FRMD5: variants seen among roughly 807,000 people sequenced by gnomAD.
The protein encoded by FRMD5 is FERM domain-containing protein 5.
Under a neutral mutation model 69.0 loss-of-function variants are expected in FRMD5, and 20 were observed. That is an observed-to-expected ratio of 0.29 (90% confidence interval 0.20 to 0.42). The LOEUF (loss-of-function observed/expected upper bound fraction) is 0.42, where lower values mean the gene tolerates loss of function less well. Ranked by LOEUF, FRMD5 falls within the 10% of genes least tolerant of loss-of-function variation. The pLI is 1.00. For missense variants in FRMD5, 595 were observed against 708.6 expected (o/e 0.84, Z 1.82); for synonymous variants, 271 against 260.1 (o/e 1.04, Z -0.40).
At chr15:44,144,357 T>C (rs1050965264) in intron 1 of FRMD5, among the ~76,000 whole-genome samples, 2 of 152,216 alleles carry the variant, frequency 1.3e-5, no homozygotes, top group Non-Finnish European at 2.9e-5. Context: ...GGTCTGAATG[T>C]TCCCTCTTAT....
intron 5 of FRMD5, 55 bp from the exon 6 acceptor site, chr15:43,906,006 A>G: frequency 1.2e-6 from 2 of 1,609,272 alleles, no homozygotes; most frequent in Non-Finnish European, 1.7e-6. Flanking sequence ...ATCATCATTG[A>G]CAAAGCAACA....
intron 1 of FRMD5, among the ~76,000 whole-genome samples, chr15:44,095,058 C>G (rs2076531434): frequency 6.6e-6 from 1 of 151,880 alleles, no homozygotes; most frequent in Non-Finnish European, 1.5e-5. Context: ...GAGTATTTCT[C>G]AAAATTACCC....
rs537496037 is a variant in FRMD5 at position 43,935,728 on chromosome 15, C to T, written c.103-11419G>A. ...TGGAGGGGAGGCAGGAACCTTGAGCCCAGCGGCTCCCTGAGGCCTCTGGCG... is the reference window on the plus strand; with the variant it reads ...TGGAGGGGAGGCAGGAACCTTGAGCTCAGCGGCTCCCTGAGGCCTCTGGCG... On this transcript the variant is annotated intron_variant, in intron 1 of 13. Coordinates refer to ENST00000417257, the MANE Select transcript of FRMD5 (RefSeq NM_032892.5). Among the ~76,000 whole-genome samples the T allele has an allele frequency of 8.5e-5, 13 of 152,212 alleles. No homozygotes were observed. In the South Asian group the frequency reaches 2.7e-3, roughly 32 times the overall value.
chr15:43,962,901 T>C (rs952254755), intron 1 of FRMD5, among the ~76,000 whole-genome samples: 11 of 152,172 alleles, frequency 7.2e-5, no homozygotes, highest in Non-Finnish European at 1.5e-4. Context: ...ATAGAAAAAT[T>C]AATTCAAGAT....
chr15:44,107,129 A>G (rs1035735396), intron 1 of FRMD5, among the ~76,000 whole-genome samples: 1 of 152,220 alleles, frequency 6.6e-6, no homozygotes, highest in Admixed American at 6.5e-5. Context: ...TGTTTCACAA[A>G]TTACAAAATG....
intron 1 of FRMD5, among the ~76,000 whole-genome samples, chr15:44,190,165 C>T (rs1425694959): frequency 1.3e-5 from 2 of 152,188 alleles, no homozygotes; most frequent in South Asian, 2.1e-4. Flanking sequence ...TAACTAGACA[C>T]ATTTGAGAGA....
chr15:44,012,872 T>C (rs746088714), intron 1 of FRMD5, among the ~76,000 whole-genome samples: 12 of 150,974 alleles, frequency 7.9e-5, no homozygotes, highest in Non-Finnish European at 1.5e-4. Context: ...GTTCAAGGGA[T>C]TCTCCTGCCT....
chr15:44,140,254 CAAT>C (rs934592439), intron 1 of FRMD5, among the ~76,000 whole-genome samples: 23 of 151,468 alleles, frequency 1.5e-4, no homozygotes, highest in African/African-American at 5.6e-4. Flanking sequence ...AATTAGAAAT[CAAT>C]AATAAAAAGT....
chr15:43,882,262 A>C (rs1878862789), intron 13 of FRMD5, among the ~76,000 whole-genome samples: 1 of 151,980 alleles, frequency 6.6e-6, no homozygotes, highest in Admixed American at 6.6e-5. Flanking sequence ...CTCTCTTCCC[A>C]CCTCGGCCTG....
At chr15:44,175,032 T>C (rs924068077) in intron 1 of FRMD5, among the ~76,000 whole-genome samples, 1 of 152,210 alleles carries the variant, frequency 6.6e-6, no homozygotes, top group African/African-American at 2.4e-5. Flanking sequence ...GAAACAAACC[T>C]GCACATTCTG....
rs1210962655 is a variant in FRMD5, at chr15:43,874,152, C to T, written c.1446G>A (p.Leu482=). 6.2e-7 allele frequency: 1 copy of T among 1,614,226 alleles called. No homozygotes were observed. The change falls in exon 14 of 14, where the codon CTG becomes CTA. Residue 482 remains leucine, a synonymous_variant. Transcript: ENST00000417257. The stretch of plus-strand genomic sequence containing the variant: ...CCTCGGGCCCGCTGTGCCCCTGACA[C>T]AGGGCCCTCAGCTCTCCCCCAAGGG... ...VEALGGELRA[L]CQGHSGPEEE...
chr15:43,977,374 C>G (rs1327622259), intron 1 of FRMD5, among the ~76,000 whole-genome samples: 2 of 152,058 alleles, frequency 1.3e-5, no homozygotes, highest in Non-Finnish European at 2.9e-5. Context: ...ATTCCCACCT[C>G]TTTGTATTAT....
At chr15:44,102,001 T>C (rs928045033) in intron 1 of FRMD5, among the ~76,000 whole-genome samples, 4 of 152,220 alleles carry the variant, frequency 2.6e-5, no homozygotes, top group Non-Finnish European at 4.4e-5. Context: ...TTGAAAGCCA[T>C]GTAATTTATT....
At position 44,159,752 on chromosome 15, in the gene FRMD5, C is replaced by T. The variant is rs1350621578; in HGVS notation, c.102+35201G>A. ...TAAAGATTAGCAGTTAGAGGAGTTG[C>T]TTCATTTCTTAAGTGGATCTGTGGA... On this transcript the variant is annotated intron_variant, in intron 1 of 13. Transcript: ENST00000417257. Among the ~76,000 whole-genome samples, 3 of 152,156 alleles carry T rather than the reference C, an allele frequency of 2.0e-5. No homozygotes were observed. In the East Asian group the frequency reaches 5.8e-4, roughly 29 times the overall value.
chr15:44,085,715 T>C (rs1450911804), intron 1 of FRMD5, among the ~76,000 whole-genome samples: 1 of 152,200 alleles, frequency 6.6e-6, no homozygotes, highest in Non-Finnish European at 1.5e-5. Context: ...ACCAGCAGTA[T>C]GGCTAATGAA....
chr15:44,188,734 G>A (rs543827646), intron 1 of FRMD5, among the ~76,000 whole-genome samples: 2 of 152,010 alleles, frequency 1.3e-5, no homozygotes, highest in Admixed American at 1.3e-4. Context: ...TTGTGACATA[G>A]TAAAATGACT....
chr15:44,061,570 A>G (rs1893088673), intron 1 of FRMD5, among the ~76,000 whole-genome samples: 1 of 152,204 alleles, frequency 6.6e-6, no homozygotes, highest in Non-Finnish European at 1.5e-5. Context: ...ATAAATGTGT[A>G]ACTACTCATC....
chr15:44,186,126 C>T (rs1425509149), intron 1 of FRMD5, among the ~76,000 whole-genome samples: 1 of 152,116 alleles, frequency 6.6e-6, no homozygotes, highest in Non-Finnish European at 1.5e-5. Context: ...AGGGTTTCTC[C>T]ACGTTGGTCA....
chr15:43,981,873 T>C (rs558386793), intron 1 of FRMD5, among the ~76,000 whole-genome samples: 51 of 152,362 alleles, frequency 3.3e-4, no homozygotes, highest in African/African-American at 1.1e-3. Context: ...ATCCATGTTT[T>C]AAACCTTTAA....
Sources: gnomAD v4.1 joint callset for allele counts (sites outside exome capture counted in the v4.1 genomes callset) on GRCh38, gnomAD v4.1.1 for gene constraint, MANE v1.5 for transcripts, NCBI Gene and HGNC (gene_info 2026-07-23, HGNC 2026-07-21) for gene names.